The following EPHA5 variants were observed in gnomAD, a reference collection of about 807,000 sequenced individuals.
The protein encoded by EPHA5 is EPH receptor A5, also known as ephrin type-A receptor 5.
In EPHA5, 60 loss-of-function variants were observed where a neutral mutation model predicts 105.0. That is an observed-to-expected ratio of 0.57 (90% CI 0.46 to 0.71). The LOEUF (loss-of-function observed/expected upper bound fraction) is 0.71. EPHA5 is among the 30% of genes least tolerant of loss of function. The pLI is 0.00. For missense variants in EPHA5, 1,218 were observed against 1,274.7 expected (o/e 0.96, Z 0.68); for synonymous variants, 513 against 449.1 (o/e 1.14, Z -1.80).
chr4:65,446,975 A>ATTTTTTTTTTTTTT (rs397993760), intron 5 of EPHA5, among the ~76,000 whole-genome samples: 11 of 112,918 alleles, frequency 9.7e-5, no homozygotes, highest in Admixed American at 9.6e-5. Context: ...TTAAAAGCTC[A>ATTTTTTTTTTTTTT]TTTTTTTTTT....
intron 8 of EPHA5, among the ~76,000 whole-genome samples, chr4:65,382,208 C>A (rs1719629322): frequency 6.6e-6 from 1 of 151,510 alleles, no homozygotes; most frequent in Non-Finnish European, 1.5e-5. Context: ...CTAAAAAAAA[C>A]TATTAGGACC....
At chr4:65,485,049 CATT>C (rs1730752215) in intron 5 of EPHA5, among the ~76,000 whole-genome samples, 2 of 151,726 alleles carry the variant, frequency 1.3e-5, no homozygotes, top group African/African-American at 4.8e-5. Context: ...ATGAAATACT[CATT>C]AGAAAACTTG....
chr4:65,453,090 C>G (rs1727222305), intron 5 of EPHA5, among the ~76,000 whole-genome samples: 1 of 152,112 alleles, frequency 6.6e-6, no homozygotes, highest in Admixed American at 6.6e-5. Flanking sequence ...CATGGATAAT[C>G]ATTTTTTGAT....
At chr4:65,395,917 G>C (rs989596780) in intron 8 of EPHA5, among the ~76,000 whole-genome samples, 1 of 152,146 alleles carries the variant, frequency 6.6e-6, no homozygotes, top group Non-Finnish European at 1.5e-5. Flanking sequence ...GGGAGGTGAG[G>C]CCATGGTTAT....
In EPHA5 at chr4:65,492,538, CAAAAAAAAAAA is replaced by C. The variant is rs10543479; in HGVS notation, c.1067-1837_1067-1827del. 6.6e-4 allele frequency among the ~76,000 whole-genome samples: 56 copies of C among 84,904 alleles called. 1 individual carries two copies. The highest frequency in any genetic ancestry group is 2.3e-3 in the African/African-American group (51 of 22,004). The allele number at this position is 84,904 out of a possible 152,430, so 55.7% of individuals were successfully genotyped here. A position where few individuals can be genotyped will look rare whatever the true frequency, so the allele number is the denominator to read the frequency against. On this transcript the variant is annotated intron_variant, in intron 4 of 16. Coordinates refer to ENST00000613740, the MANE Select transcript of EPHA5 (RefSeq NM_001281766.3). ...TTAACTAAAAAACTTGACATCTTTG[CAAAAAAAAAAA>C]AAAAAAAAAAAAATCCCCACCTTGA...
At chr4:65,609,100 T>C (rs759471294) in intron 2 of EPHA5, among the ~76,000 whole-genome samples, 1 of 152,148 alleles carries the variant, frequency 6.6e-6, no homozygotes, top group Non-Finnish European at 1.5e-5. Context: ...AACAGAAGCA[T>C]CTCTATTTTT....
chr4:65,666,568 G>T (rs1749982709), intron 1 of EPHA5, among the ~76,000 whole-genome samples: 1 of 152,074 alleles, frequency 6.6e-6, no homozygotes, highest in African/African-American at 2.4e-5. Flanking sequence ...TATTTGTCCT[G>T]CTTGATCAGA....
Position 65,518,241 on chromosome 4 carries a change from TCTTA to T in EPHA5, c.911-22702_911-22699del, listed in dbSNP as rs1442054537. Reference sequence around the variant, plus strand: ...CATATTTGTTTAAATTAAAATTTTTTCTTACTTTTATTATCTTTTTCTTTATTAT... The same window carrying T: ...CATATTTGTTTAAATTAAAATTTTTTCTTTTATTATCTTTTTCTTTATTAT... On this transcript the variant is annotated intron_variant, in intron 3 of 16. Transcript: ENST00000613740. 2.6e-5 allele frequency among the ~76,000 whole-genome samples: 4 copies of T among 151,982 alleles called. No homozygotes were observed. In the East Asian group the frequency reaches 7.7e-4, roughly 29 times the overall value.
chr4:65,455,709 G>C (rs762012307), intron 5 of EPHA5, among the ~76,000 whole-genome samples: 40 of 151,876 alleles, frequency 2.6e-4, no homozygotes, highest in Non-Finnish European at 5.6e-4. Flanking sequence ...CACACATAAA[G>C]AAAAAAAGCA....
Position 65,545,396 on chromosome 4 carries a change from G to A in EPHA5, c.911-49853C>T, listed in dbSNP as rs577393953. Among the ~76,000 whole-genome samples, 6 of 151,770 alleles carry A rather than the reference G, an allele frequency of 4.0e-5. 1 individual carries two copies. In the South Asian group the frequency reaches 1.2e-3, roughly 31 times the overall value. ...TCCCAATGAGGTATCTATGAAGATC[G>A]TATGTTGATGTCTTGACTAACACAC... On this transcript the variant is annotated intron_variant, in intron 3 of 16. Transcript: ENST00000613740.
intron 8 of EPHA5, among the ~76,000 whole-genome samples, chr4:65,400,680 T>G (rs1401123405): frequency 6.6e-6 from 1 of 152,110 alleles, no homozygotes; most frequent in Admixed American, 6.5e-5. Flanking sequence ...TATTTTAGAA[T>G]TTTAAAAGTT....
At chr4:65,612,891 C>T (rs1048023750) in intron 2 of EPHA5, among the ~76,000 whole-genome samples, 8 of 151,874 alleles carry the variant, frequency 5.3e-5, no homozygotes, top group Non-Finnish European at 1.2e-4. Flanking sequence ...AAATAAGTTC[C>T]ATTTATCATT....
chr4:65,630,561 T>C (rs1746539750), intron 2 of EPHA5, among the ~76,000 whole-genome samples: 1 of 152,204 alleles, frequency 6.6e-6, no homozygotes, highest in Non-Finnish European at 1.5e-5. Context: ...ATCTCTCAAG[T>C]TGCCTGCTTG....
At chr4:65,563,438 A>G (rs1739223725) in intron 3 of EPHA5, among the ~76,000 whole-genome samples, 1 of 152,096 alleles carries the variant, frequency 6.6e-6, no homozygotes, top group South Asian at 2.1e-4. Flanking sequence ...TGATTCTAAC[A>G]TAATTATATG....
At chr4:65,403,143 A>G (rs1578028560) in intron 8 of EPHA5, among the ~76,000 whole-genome samples, 1 of 152,300 alleles carries the variant, frequency 6.6e-6, no homozygotes, top group African/African-American at 2.4e-5. Context: ...AAGTAATAGA[A>G]TTTTCATATA....
At chr4:65,422,041 T>G (rs2149041129) in intron 5 of EPHA5, among the ~76,000 whole-genome samples, 1 of 152,298 alleles carries the variant, frequency 6.6e-6, no homozygotes, top group South Asian at 2.1e-4. Context: ...GGTGGAATAC[T>G]TTGTTATTTA....
chr4:65,633,267 T>C (rs1471460395), intron 2 of EPHA5, among the ~76,000 whole-genome samples: 1 of 151,832 alleles, frequency 6.6e-6, no homozygotes, highest in Non-Finnish European at 1.5e-5. Context: ...GAGAGGGAGA[T>C]TATGTACTCA....
intron 5 of EPHA5, among the ~76,000 whole-genome samples, chr4:65,465,467 A>AAAAG (rs749079632): frequency 0.02 from 1,476 of 74,898 alleles, 63 homozygotes; most frequent in East Asian, 0.05. Flanking sequence ...AAAAGAAAGA[A>AAAAG]AAAGAAAGAA....
intron 5 of EPHA5, among the ~76,000 whole-genome samples, chr4:65,478,790 T>C (rs1296020816): frequency 1.3e-5 from 2 of 152,100 alleles, no homozygotes; most frequent in East Asian, 1.9e-4. Flanking sequence ...GTTAATACTA[T>C]TGTTTCTTTA....
Sources: allele counts gnomAD v4.1 joint callset (sites outside exome capture counted in the v4.1 genomes callset), GRCh38; gene constraint gnomAD v4.1.1; transcripts MANE v1.5; gene names NCBI Gene and HGNC (gene_info 2026-07-23, HGNC 2026-07-21).